Variants in FILIP1L observed in about 807,000 individuals in gnomAD.
The protein encoded by FILIP1L is filamin A interacting protein 1 like, also known as filamin A-interacting protein 1-like.
A neutral mutation model predicts 96.6 loss-of-function variants in FILIP1L; 55 were observed. That is an observed-to-expected ratio of 0.57 (90% CI 0.46 to 0.71). The LOEUF is 0.71. Ranked by LOEUF, FILIP1L falls within the 30% of genes least tolerant of loss-of-function variation. The pLI is 0.00. For synonymous variants in FILIP1L, 467 were observed against 473.9 expected (o/e 0.99, Z 0.19); for missense variants, 1,304 against 1,321.2 (o/e 0.99, Z 0.20).
chr3:99,867,350 T>C (rs1944570907), intron 4 of FILIP1L, among the ~76,000 whole-genome samples: 1 of 152,194 alleles, frequency 6.6e-6, no homozygotes, highest in Non-Finnish European at 1.5e-5. Flanking sequence ...ATTTTTGCCC[T>C]GACCATATCT....
At chr3:99,930,623 G>A (rs1289057038) in intron 2 of FILIP1L, 146 bp downstream of exon 2, 3 of 818,346 alleles carry the variant, frequency 3.7e-6, no homozygotes, top group Middle Eastern at 3.7e-4. Context: ...TGGCAGAGGA[G>A]AATTCTTTGT....
intron 4 of FILIP1L, 64 bp downstream of exon 4, chr3:99,924,166 A>G: frequency 1.5e-6 from 2 of 1,343,936 alleles, no homozygotes; most frequent in Non-Finnish European, 2.1e-6. Context: ...TATCCCTGAG[A>G]CCTGGTACAG....
intron 4 of FILIP1L, among the ~76,000 whole-genome samples, chr3:99,855,540 G>A (rs1943918941): frequency 1.3e-5 from 2 of 152,238 alleles, no homozygotes; most frequent in Non-Finnish European, 2.9e-5. Context: ...GCTCACAAAG[G>A]TCAAGAAGGA....
chr3:99,892,360 G>C (rs1706109076), intron 4 of FILIP1L, among the ~76,000 whole-genome samples: 2 of 152,166 alleles, frequency 1.3e-5, no homozygotes, highest in African/African-American at 4.8e-5. Context: ...GCTTCTCCAA[G>C]TGGTCTAGAA....
At chr3:99,860,836 C>CT (rs1002968222) in intron 4 of FILIP1L, among the ~76,000 whole-genome samples, 5 of 152,120 alleles carry the variant, frequency 3.3e-5, no homozygotes, top group African/African-American at 1.2e-4. Context: ...TGTTAGGGAG[C>CT]TTTCTAGTAA....
At chr3:99,831,741 A>C (rs1942675398) in intron 5 of FILIP1L, among the ~76,000 whole-genome samples, 1 of 152,188 alleles carries the variant, frequency 6.6e-6, no homozygotes, top group African/African-American at 2.4e-5. Flanking sequence ...TCTGAATCTT[A>C]CTCCTATGCA....
At chr3:99,884,509 T>C (rs1277943441) in intron 4 of FILIP1L, among the ~76,000 whole-genome samples, 1 of 152,194 alleles carries the variant, frequency 6.6e-6, no homozygotes, top group Non-Finnish European at 1.5e-5. Flanking sequence ...ATTGCTGTTA[T>C]TTATTAAGAG....
intron 4 of FILIP1L, chr3:99,876,039 C>T: frequency 8.1e-6 from 8 of 985,642 alleles, no homozygotes; most frequent in Non-Finnish European, 9.6e-6. Flanking sequence ...AGCAGTGCCC[C>T]TTGGTGGAGC....
intron 4 of FILIP1L, among the ~76,000 whole-genome samples, chr3:99,916,731 G>A (rs886835970): frequency 6.6e-6 from 1 of 152,142 alleles, no homozygotes. Flanking sequence ...CATGGTCCAT[G>A]CTCCACGTTT....
At chr3:100,012,251 A>T (rs943358742) in intron 1 of FILIP1L, among the ~76,000 whole-genome samples, 1 of 152,226 alleles carries the variant, frequency 6.6e-6, no homozygotes, top group African/African-American at 2.4e-5. Context: ...TAGAAAGAAG[A>T]TTGGTAGAAT....
At chr3:100,078,010 C>G (rs2065876539) in intron 1 of FILIP1L, among the ~76,000 whole-genome samples, 1 of 151,616 alleles carries the variant, frequency 6.6e-6, no homozygotes, top group South Asian at 2.1e-4. Flanking sequence ...TAACAGCCAG[C>G]TAAAACATTA....
intron 4 of FILIP1L, among the ~76,000 whole-genome samples, chr3:99,866,589 T>C (rs570594770): frequency 6.6e-6 from 1 of 152,106 alleles, no homozygotes; most frequent in East Asian, 1.9e-4. Context: ...GCAAGGAAAA[T>C]AGGGAAATTT....
At chr3:100,003,354 C>G (rs1407764130) in intron 1 of FILIP1L, among the ~76,000 whole-genome samples, 2 of 152,224 alleles carry the variant, frequency 1.3e-5, no homozygotes, top group Non-Finnish European at 2.9e-5. Context: ...ATGCCCAGCA[C>G]TGTCAGGGTT....
At chr3:99,901,926 G>A (rs1379831333) in intron 4 of FILIP1L, among the ~76,000 whole-genome samples, 1 of 151,868 alleles carries the variant, frequency 6.6e-6, no homozygotes, top group East Asian at 1.9e-4. Flanking sequence ...TTGTGTAGTA[G>A]GTACACAAAA....
chr3:99,876,090 G>A (rs1371540591), intron 4 of FILIP1L: 5 of 986,274 alleles, frequency 5.1e-6, no homozygotes, highest in Non-Finnish European at 1.2e-6. Flanking sequence ...CCTGCGCCGG[G>A]GCCGGGCGGG....
At chr3:100,092,498 G>C (rs982753082) in intron 1 of FILIP1L, among the ~76,000 whole-genome samples, 7 of 151,734 alleles carry the variant, frequency 4.6e-5, no homozygotes, top group African/African-American at 1.7e-4. Context: ...AGTACAAATG[G>C]AAGTTAAGGT....
chr3:99,880,070 T>C (rs796372988), intron 4 of FILIP1L, among the ~76,000 whole-genome samples: 5 of 152,260 alleles, frequency 3.3e-5, no homozygotes, highest in African/African-American at 1.2e-4. Flanking sequence ...GTGCTTCTAC[T>C]CTCCGATCCC....
chr3:99,983,355 G>T (rs1467444864), intron 1 of FILIP1L, among the ~76,000 whole-genome samples: 1 of 139,636 alleles, frequency 7.2e-6, no homozygotes, highest in East Asian at 2.0e-4. Context: ...CCAACATGGT[G>T]AAACCCTGTC....
At chr3:99,996,000 C>G (rs919012703) in intron 1 of FILIP1L, among the ~76,000 whole-genome samples, 1 of 152,168 alleles carries the variant, frequency 6.6e-6, no homozygotes, top group Non-Finnish European at 1.5e-5. Context: ...CATTCGGCTC[C>G]TTGTTACTTA....
Sources: allele counts gnomAD v4.1 joint callset (sites outside exome capture counted in the v4.1 genomes callset), GRCh38; gene constraint gnomAD v4.1.1; transcripts MANE v1.5; gene names NCBI Gene and HGNC (gene_info 2026-07-23, HGNC 2026-07-21).